Variants in MGST1 observed in about 807,000 individuals in gnomAD.
The protein encoded by MGST1 is microsomal glutathione S-transferase 1, also known as glutathione S-transferase 12.
Under a neutral mutation model 8.9 loss-of-function variants are expected in MGST1, and 5 were observed. The observed-to-expected ratio is 0.56, with a 90% CI of 0.29 to 1.19. MGST1 has a LOEUF of 1.19. Among genes scored for constraint, MGST1 ranks in the 50% most tolerant of loss-of-function variants. MGST1 has a pLI of 0.08. For missense variants in MGST1, 182 were observed against 187.4 expected (o/e 0.97, Z 0.17); for synonymous variants, 54 against 67.8 (o/e 0.80, Z 1.00).
At chr12:16,571,577 T>A (rs1312886011) in intron 4 of MGST1, among the ~76,000 whole-genome samples, 1 of 152,052 alleles carries the variant, frequency 6.6e-6, no homozygotes, top group Non-Finnish European at 1.5e-5. Flanking sequence ...ATACTCATGT[T>A]ATCTTTATCA....
chr12:16,422,767 T>C (rs1469979987), intron 1 of MGST1, among the ~76,000 whole-genome samples: 3 of 152,200 alleles, frequency 2.0e-5, no homozygotes, highest in Non-Finnish European at 4.4e-5. Flanking sequence ...ACTAAGACAA[T>C]GCTTTTCTGG....
At chr12:16,486,886 ACTCCT>A (rs3029496) in intron 4 of MGST1, among the ~76,000 whole-genome samples, 68,725 of 151,548 alleles carry the variant, frequency 0.45, 17,153 homozygotes, top group Non-Finnish European at 0.58. Flanking sequence ...ACTTGATTAT[ACTCCT>A]GTAATTGCAG....
At position 16,363,932 on chromosome 12, in the gene MGST1, C is replaced by A; in HGVS notation, c.359C>A (p.Ala120Glu). ...GGAGCACGGATCTACCACACCATTGCATATTTGACACCCCTTCCCCAGCCA... is the reference window on the plus strand; with the variant it reads ...GGAGCACGGATCTACCACACCATTGAATATTTGACACCCCTTCCCCAGCCA... ...FVGARIYHTI[A>E]YLTPLPQPNR... The change falls in exon 4 of 4, where the codon GCA becomes GAA. Residue 120 changes from alanine (A) to glutamate (E), a missense_variant. Coordinates refer to ENST00000396210, the MANE Select transcript of MGST1 (RefSeq NM_020300.5). This position sits in a 1 kb window ranked among gnomAD's most constrained non-coding sequence, Gnocchi z 4.6. The A allele has an allele frequency of 6.2e-7, 1 of 1,613,948 alleles. No individual in the cohort carries two copies. Among genetic ancestry groups the A allele is most frequent in the Non-Finnish European group, 8.5e-7 (1 of 1,179,888 alleles).
rs867074647 is a variant in MGST1, at chr12:16,458,120, C to G, written n.482+74516C>G. Among the ~76,000 whole-genome samples, 2 of 151,976 alleles carry G rather than the reference C, an allele frequency of 1.3e-5. No individual in the cohort carries two copies. The highest frequency in any genetic ancestry group is 2.9e-5 in the Non-Finnish European group (2 of 67,908). On this transcript the variant is annotated intron_variant and non_coding_transcript_variant, in intron 4 of 4. Transcript: ENST00000538857. The surrounding 1 kb of genome is among the most constrained non-coding windows in gnomAD (Gnocchi z 4.0). ...AATACCCATTAAAGAAGTGCAAAAG[C>G]GTGAACCCGAGGGTTACTGCATATT...
At position 16,506,730 on chromosome 12, in the gene MGST1, A is replaced by G. The variant is rs1330912084; in HGVS notation, n.483-82798A>G. ...AATAGTTGTAACAGAGAGCAAGCTT[A>G]AAATATTTGCTATTTGATTTTTTAA... On this transcript the variant is annotated intron_variant and non_coding_transcript_variant, in intron 4 of 4. Coordinates refer to the MGST1 transcript ENST00000538857. Among the ~76,000 whole-genome samples, 4 of 152,184 alleles carry G rather than the reference A, an allele frequency of 2.6e-5. No homozygotes were observed. The East Asian group carries it at 5.8e-4, about 22-fold the overall frequency.
At chr12:16,572,682 T>A (rs1407824782) in intron 4 of MGST1, among the ~76,000 whole-genome samples, 1 of 147,860 alleles carries the variant, frequency 6.8e-6, no homozygotes, top group Non-Finnish European at 1.5e-5. Context: ...ATATAGATTA[T>A]ATATATAATT....
rs1167716111 is a variant in MGST1 at position 16,544,263 on chromosome 12, C to CACACACAA, written n.483-45264_483-45263insCACACAAA. On this transcript the variant is annotated intron_variant and non_coding_transcript_variant, in intron 4 of 4. Transcript: ENST00000538857. This position sits in a 1 kb window ranked among gnomAD's most constrained non-coding sequence, Gnocchi z 4.8. ...ACACACACACACACACACACACACA[C>CACACACAA]AAAACATAACCTACTAGTCAATCTG... Among the ~76,000 whole-genome samples the CACACACAA allele has an allele frequency of 1.6e-4, 23 of 147,602 alleles. No homozygotes were observed. Among genetic ancestry groups the CACACACAA allele is most frequent in the African/African-American group, 5.5e-4 (22 of 40,132 alleles).
chr12:16,562,151 C>T (rs1942430170), intron 4 of MGST1, among the ~76,000 whole-genome samples: 1 of 152,122 alleles, frequency 6.6e-6, no homozygotes, highest in Non-Finnish European at 1.5e-5. Context: ...AAACCATCAC[C>T]AACTAAAGCT....
At chr12:16,491,653 G>T (rs1591743954) in intron 4 of MGST1, among the ~76,000 whole-genome samples, 1 of 152,272 alleles carries the variant, frequency 6.6e-6, no homozygotes, top group Non-Finnish European at 1.5e-5. Context: ...GTTTCAAATA[G>T]GATGAGCTTA....
At chr12:16,349,097 C>T (rs987876989) in intron 1 of MGST1, 1 of 152,172 alleles carries the variant, frequency 6.6e-6, no homozygotes, top group Non-Finnish European at 1.5e-5. Context: ...ATCTAGAGTT[C>T]CAGATTAACG....
At chr12:16,449,689 A>G (rs1021010552) in intron 4 of MGST1, among the ~76,000 whole-genome samples, 1 of 151,940 alleles carries the variant, frequency 6.6e-6, no homozygotes, top group Non-Finnish European at 1.5e-5. Flanking sequence ...CTTTGTGATA[A>G]AATCCTACTC....
At chr12:16,462,014 T>C (rs997279484) in intron 4 of MGST1, among the ~76,000 whole-genome samples, 2 of 152,076 alleles carry the variant, frequency 1.3e-5, no homozygotes, top group African/African-American at 2.4e-5. Flanking sequence ...TTTCCTAAGG[T>C]CTCATCACCC....
chr12:16,471,911 A>G (rs1178943027), intron 4 of MGST1, among the ~76,000 whole-genome samples: 1 of 136,138 alleles, frequency 7.3e-6, no homozygotes, highest in African/African-American at 2.6e-5. Flanking sequence ...GAGCTCACAT[A>G]CACACACATA....
chr12:16,399,294 G>T (rs998049279), intron 1 of MGST1: 1 of 1,605,806 alleles, frequency 6.2e-7, no homozygotes, highest in Non-Finnish European at 8.5e-7. Flanking sequence ...CTTTTTCTTG[G>T]GGGGTGCAGA....
At chr12:16,501,982 A>G (rs1455240532) in intron 4 of MGST1, among the ~76,000 whole-genome samples, 1 of 152,178 alleles carries the variant, frequency 6.6e-6, no homozygotes, top group Admixed American at 6.5e-5. Flanking sequence ...AACTTTATCA[A>G]TATTTAAACA....
chr12:16,524,222 G>A (rs911665968), intron 4 of MGST1, among the ~76,000 whole-genome samples: 1 of 151,932 alleles, frequency 6.6e-6, no homozygotes, highest in Non-Finnish European at 1.5e-5. Context: ...AATTATACAT[G>A]TAAATAAAAA....
At chr12:16,407,920 T>G (rs952062428) in intron 1 of MGST1, among the ~76,000 whole-genome samples, 1 of 149,518 alleles carries the variant, frequency 6.7e-6, no homozygotes, top group Non-Finnish European at 1.5e-5. Flanking sequence ...TAGTCCCAGC[T>G]ATTCAGGAGG....
chr12:16,466,045 G>T (rs1251764348), intron 4 of MGST1, among the ~76,000 whole-genome samples: 1 of 152,220 alleles, frequency 6.6e-6, no homozygotes, highest in Non-Finnish European at 1.5e-5. Context: ...ATGTAAGAAT[G>T]AAAATTGACT....
intron 4 of MGST1, among the ~76,000 whole-genome samples, chr12:16,496,907 G>A (rs967714554): frequency 6.6e-6 from 1 of 152,060 alleles, no homozygotes; most frequent in Non-Finnish European, 1.5e-5. Flanking sequence ...CAAACAAGAA[G>A]TCCTATAAGA....
Sources: allele counts gnomAD v4.1 joint callset (sites outside exome capture counted in the v4.1 genomes callset), GRCh38; gene constraint gnomAD v4.1.1; non-coding constraint Gnocchi (gnomAD v3.1); transcripts MANE v1.5; gene names NCBI Gene and HGNC (gene_info 2026-07-23, HGNC 2026-07-21).